The following SLC35D4 variants were observed in gnomAD, a reference collection of about 807,000 sequenced individuals.
SLC35D4 encodes the protein solute carrier family 35 member D4, also known as UDP-N-acetylglucosamine transporter SLC35D4.
the SLC35D4 span, among the ~76,000 whole-genome samples, chr18:23,362,864 C>A: frequency 6.6e-6 from 1 of 152,160 alleles, no homozygotes; most frequent in East Asian, 1.9e-4. Flanking sequence ...ACCAAGATTC[C>A]TTCCAGCTCT....
chr18:23,398,829 T>C, the SLC35D4 span, among the ~76,000 whole-genome samples: 2 of 152,206 alleles, frequency 1.3e-5, no homozygotes, highest in Non-Finnish European at 2.9e-5. Flanking sequence ...TTCTGCACTT[T>C]CCCCAAAGTC....
chr18:23,332,423 T>C, the SLC35D4 span, among the ~76,000 whole-genome samples: 1 of 117,274 alleles, frequency 8.5e-6, no homozygotes, highest in African/African-American at 3.6e-5. Flanking sequence ...TTGTATTATG[T>C]AGATGTTGTT....
the SLC35D4 span, among the ~76,000 whole-genome samples, chr18:23,277,612 A>G: frequency 6.6e-6 from 1 of 152,198 alleles, no homozygotes; most frequent in Non-Finnish European, 1.5e-5. Flanking sequence ...GAAAAACTGC[A>G]CCAGACAGAG....
the SLC35D4 span, among the ~76,000 whole-genome samples, chr18:23,321,744 C>T: frequency 1.3e-5 from 2 of 152,186 alleles, no homozygotes; most frequent in African/African-American, 4.8e-5. Flanking sequence ...TGTGAGCCAC[C>T]ACACCTGGCT....
the SLC35D4 span, among the ~76,000 whole-genome samples, chr18:23,338,072 G>C: frequency 6.6e-6 from 1 of 152,198 alleles, no homozygotes; most frequent in African/African-American, 2.4e-5. Context: ...TATAATTAAG[G>C]CTAGTGAGTG....
At chr18:23,377,286 C>A in the SLC35D4 span, among the ~76,000 whole-genome samples, 1 of 152,156 alleles carries the variant, frequency 6.6e-6, no homozygotes, top group Non-Finnish European at 1.5e-5. Context: ...TTTTCCACCA[C>A]GGAAAATATT....
At chr18:23,339,439 T>G in the SLC35D4 span, among the ~76,000 whole-genome samples, 1 of 152,236 alleles carries the variant, frequency 6.6e-6, no homozygotes, top group South Asian at 2.1e-4. Flanking sequence ...CATTATATAA[T>G]GCTACAATTC....
the SLC35D4 span, chr18:23,331,160 A>T: frequency 6.6e-6 from 1 of 152,264 alleles, no homozygotes; most frequent in Non-Finnish European, 1.5e-5. Flanking sequence ...CGTTTTCCAT[A>T]ATTAGTCACA....
At chr18:23,414,347 C>A in the SLC35D4 span, among the ~76,000 whole-genome samples, 9 of 136,990 alleles carry the variant, frequency 6.6e-5, no homozygotes, top group Non-Finnish European at 1.4e-4. Context: ...GGCAGGCAGG[C>A]AGGCAGGCAG....
the SLC35D4 span, among the ~76,000 whole-genome samples, chr18:23,240,395 A>G: frequency 6.6e-6 from 1 of 152,184 alleles, no homozygotes; most frequent in Admixed American, 6.5e-5. Flanking sequence ...CCCACAAATG[A>G]TGATGCCGAC....
At chr18:23,308,848 TTCTCTCTCTC>T in the SLC35D4 span, among the ~76,000 whole-genome samples, 3 of 140,168 alleles carry the variant, frequency 2.1e-5, no homozygotes, top group East Asian at 2.0e-4. Context: ...AGCACGTGTT[TTCTCTCTCTC>T]TCTCTCTCTC....
the SLC35D4 span, among the ~76,000 whole-genome samples, chr18:23,417,871 C>T: frequency 6.6e-6 from 1 of 152,122 alleles, no homozygotes; most frequent in African/African-American, 2.4e-5. Flanking sequence ...CCAGTGGTCC[C>T]CAGGCTATAA....
At chr18:23,431,489 TA>T in the SLC35D4 span, among the ~76,000 whole-genome samples, 1 of 152,258 alleles carries the variant, frequency 6.6e-6, no homozygotes, top group African/African-American at 2.4e-5. Context: ...TCTCTTCAAG[TA>T]AAATCACCTC....
the SLC35D4 span, among the ~76,000 whole-genome samples, chr18:23,321,581 A>G: frequency 6.6e-6 from 1 of 152,038 alleles, no homozygotes; most frequent in Non-Finnish European, 1.5e-5. Flanking sequence ...CAGCCTCCTG[A>G]GTAGCTGGGA....
the SLC35D4 span, among the ~76,000 whole-genome samples, chr18:23,412,495 T>C: frequency 1.3e-5 from 2 of 152,150 alleles, no homozygotes; most frequent in Non-Finnish European, 2.9e-5. Flanking sequence ...TTTTTTTTGG[T>C]CCACTACTGG....
chr18:23,403,464 G>A, the SLC35D4 span, among the ~76,000 whole-genome samples: 2 of 152,172 alleles, frequency 1.3e-5, no homozygotes, highest in African/African-American at 4.8e-5. Flanking sequence ...CAAGGGACAC[G>A]ACATTCCAGA....
At chr18:23,394,702 T>A in the SLC35D4 span, among the ~76,000 whole-genome samples, 12 of 152,184 alleles carry the variant, frequency 7.9e-5, no homozygotes, top group Non-Finnish European at 1.3e-4. Context: ...CCGTGCGCAG[T>A]GGCTCATGCC....
chr18:23,312,179 G>A, the SLC35D4 span, among the ~76,000 whole-genome samples: 1 of 152,262 alleles, frequency 6.6e-6, no homozygotes. Context: ...GGTAAAAAGG[G>A]ACAACTGCCC....
At chr18:23,247,880 G>A in the SLC35D4 span, among the ~76,000 whole-genome samples, 1,888 of 152,334 alleles carry the variant, frequency 0.012, 43 homozygotes, top group African/African-American at 0.043. Flanking sequence ...CCCCACTTAC[G>A]CGGGGCCAAG....
Sources: gnomAD v4.1 joint callset for allele counts (sites outside exome capture counted in the v4.1 genomes callset) on GRCh38, gnomAD v4.1.1 for gene constraint, MANE v1.5 for transcripts, NCBI Gene and HGNC (gene_info 2026-07-23, HGNC 2026-07-21) for gene names.